RSRC1: variants seen among roughly 807,000 people sequenced by gnomAD.
RSRC1 encodes arginine and serine rich coiled-coil 1.
In RSRC1, 39 loss-of-function variants were observed where a neutral mutation model predicts 49.1. The ratio of observed to expected loss-of-function variants is 0.79; its 90% CI spans 0.61 to 1.04. RSRC1 has a LOEUF of 1.04. RSRC1 is among the 50% of genes least tolerant of loss of function. RSRC1 has a pLI of 0.00. For missense variants in RSRC1, 388 were observed against 402.4 expected (o/e 0.96, Z 0.31); for synonymous variants, 143 against 130.8 (o/e 1.09, Z -0.63).
At chr3:158,310,636 T>C (rs1728073806) in intron 5 of RSRC1, among the ~76,000 whole-genome samples, 1 of 151,740 alleles carries the variant, frequency 6.6e-6, no homozygotes, top group African/African-American at 2.4e-5. Flanking sequence ...TTCTGAGAGT[T>C]TGATAAATTT....
At chr3:158,203,721 G>C (rs527433735) in intron 4 of RSRC1, among the ~76,000 whole-genome samples, 1 of 152,126 alleles carries the variant, frequency 6.6e-6, no homozygotes, top group Admixed American at 6.6e-5. Context: ...GCCTTTTTTA[G>C]TATAGAATGG....
intron 6 of RSRC1, among the ~76,000 whole-genome samples, chr3:158,453,400 A>G (rs2108393551): frequency 6.9e-6 from 1 of 145,022 alleles, no homozygotes; most frequent in Admixed American, 6.9e-5. Context: ...TTTTTTTTCG[A>G]GTCGGAGTAT....
intron 4 of RSRC1, among the ~76,000 whole-genome samples, chr3:158,223,590 AT>A (rs5853818): frequency 1.4e-4 from 21 of 145,666 alleles, no homozygotes; most frequent in South Asian, 2.2e-4. Flanking sequence ...TAGCTTCCTG[AT>A]TTTTTTTTTT....
At chr3:158,140,825 G>A (rs903554499) in intron 3 of RSRC1, among the ~76,000 whole-genome samples, 4 of 152,146 alleles carry the variant, frequency 2.6e-5, no homozygotes, top group African/African-American at 9.7e-5. Context: ...TGTTTATGCT[G>A]TTAGAGATAT....
chr3:158,489,878 A>G (rs1178201595), intron 7 of RSRC1, among the ~76,000 whole-genome samples: 1 of 152,172 alleles, frequency 6.6e-6, no homozygotes, highest in Non-Finnish European at 1.5e-5. Context: ...AATATAGTTG[A>G]GTTTCTGAAC....
At chr3:158,195,375 T>A (rs1720529694) in intron 3 of RSRC1, among the ~76,000 whole-genome samples, 1 of 150,616 alleles carries the variant, frequency 6.6e-6, no homozygotes, top group Non-Finnish European at 1.5e-5. Flanking sequence ...TTTGTTTGAG[T>A]TCATTGTAGA....
chr3:158,224,145 T>A (rs562421278), intron 4 of RSRC1, among the ~76,000 whole-genome samples: 73 of 151,982 alleles, frequency 4.8e-4, no homozygotes, highest in Admixed American at 2.6e-3. Flanking sequence ...GTAAGATTTA[T>A]ACATAAATGA....
At chr3:158,230,441 G>A (rs573365740) in intron 4 of RSRC1, among the ~76,000 whole-genome samples, 4 of 152,040 alleles carry the variant, frequency 2.6e-5, no homozygotes, top group South Asian at 2.1e-4. Flanking sequence ...AATAAATTAC[G>A]TGCTTTATTT....
At chr3:158,179,848 C>A (rs1183885045) in intron 3 of RSRC1, among the ~76,000 whole-genome samples, 4 of 152,086 alleles carry the variant, frequency 2.6e-5, no homozygotes, top group Non-Finnish European at 5.9e-5. Context: ...TTTAAATTCC[C>A]AGTAGCACTA....
intron 4 of RSRC1, among the ~76,000 whole-genome samples, chr3:158,242,570 A>G (rs1723655122): frequency 6.6e-6 from 1 of 152,082 alleles, no homozygotes; most frequent in African/African-American, 2.4e-5. Flanking sequence ...ATACCTAGTA[A>G]TGTGATTGCT....
intron 7 of RSRC1, among the ~76,000 whole-genome samples, chr3:158,511,662 G>C (rs1740185475): frequency 6.6e-6 from 1 of 152,238 alleles, no homozygotes; most frequent in Middle Eastern, 3.4e-3. Flanking sequence ...TGGGTCAAAT[G>C]GTATTTCTAG....
intron 6 of RSRC1, among the ~76,000 whole-genome samples, chr3:158,366,894 A>T (rs1407214155): frequency 6.6e-6 from 1 of 151,864 alleles, no homozygotes. Context: ...TAGGTATTTT[A>T]TTCTCTTTGT....
intron 5 of RSRC1, among the ~76,000 whole-genome samples, chr3:158,327,841 C>T (rs1729261884): frequency 6.6e-6 from 1 of 152,122 alleles, no homozygotes; most frequent in Non-Finnish European, 1.5e-5. Context: ...GTGTTAAAGT[C>T]TCCCATTATT....
intron 7 of RSRC1, among the ~76,000 whole-genome samples, chr3:158,465,016 G>T (rs1737809737): frequency 6.6e-6 from 1 of 152,064 alleles, no homozygotes; most frequent in African/African-American, 2.4e-5. Context: ...TCTGGAGCCT[G>T]CCCTCCAGCT....
chr3:158,308,188 G>A (rs913624652), intron 5 of RSRC1, among the ~76,000 whole-genome samples: 1 of 152,012 alleles, frequency 6.6e-6, no homozygotes, highest in East Asian at 1.9e-4. Context: ...AATAAAGTCT[G>A]TTATTTTCTT....
chr3:158,501,423 G>A (rs1739588834), intron 7 of RSRC1, among the ~76,000 whole-genome samples: 1 of 152,082 alleles, frequency 6.6e-6, no homozygotes. Flanking sequence ...TTGACTTTCT[G>A]TCTTGATGAC....
At chr3:158,518,148 A>ATATTTTTTTTT in intron 7 of RSRC1, among the ~76,000 whole-genome samples, 1 of 44,136 alleles carries the variant, frequency 2.3e-5, no homozygotes, top group South Asian at 1.0e-3. Flanking sequence ...ATATATATAT[A>ATATTTTTTTTT]TTTTTTTTTT....
intron 7 of RSRC1, among the ~76,000 whole-genome samples, chr3:158,515,500 A>T (rs1740465549): frequency 7.3e-6 from 1 of 137,272 alleles, no homozygotes; most frequent in African/African-American, 2.9e-5. Context: ...CTTTGAGGGT[A>T]ACCCGACCTT....
intron 3 of RSRC1, among the ~76,000 whole-genome samples, chr3:158,141,535 A>G (rs1379567937): frequency 6.6e-6 from 1 of 152,322 alleles, no homozygotes; most frequent in East Asian, 1.9e-4. Context: ...GTAAATATCT[A>G]TGAGCTAAGG....
Sources: gnomAD v4.1 joint callset for allele counts (sites outside exome capture counted in the v4.1 genomes callset) on GRCh38, gnomAD v4.1.1 for gene constraint, MANE v1.5 for transcripts, NCBI Gene and HGNC (gene_info 2026-07-23, HGNC 2026-07-21) for gene names.